Variants in DOCK8 observed in about 807,000 individuals in gnomAD.
DOCK8 encodes dedicator of cytokinesis protein 8.
DOCK8 carries 141 observed loss-of-function variants against 245.6 expected under a neutral mutation model. The observed-to-expected ratio is 0.57, with a 90% CI of 0.50 to 0.66. The LOEUF (loss-of-function observed/expected upper bound fraction) is 0.66. Ranked by LOEUF, DOCK8 falls within the 30% of genes least tolerant of loss-of-function variation. The pLI, the probability that DOCK8 is intolerant of heterozygous loss-of-function variation, is 0.00. For missense variants in DOCK8, 2,965 were observed against 2,603.4 expected, an observed-to-expected ratio of 1.14 and a Z score of -3.02; for synonymous variants, 1,168 against 970.2, an observed-to-expected ratio of 1.20 and a Z score of -3.79.
At position 396,774 on chromosome 9, in the gene DOCK8, C is replaced by A. The variant is rs1564006279; in HGVS notation, c.2971-11C>A. On this transcript the variant is annotated splice_polypyrimidine_tract_variant and intron_variant, in intron 24 of 47. Transcript: ENST00000432829. Reference sequence around the variant, plus strand: ...TCTCCATGTTGACATTTCCTCCATCCCCCTCCGCAGGTGAAAAGCATGGCC... The same window carrying A: ...TCTCCATGTTGACATTTCCTCCATCACCCTCCGCAGGTGAAAAGCATGGCC... 2 of 1,614,108 alleles carry A rather than the reference C, an allele frequency of 1.2e-6. No individual in the cohort carries two copies. The highest frequency in any genetic ancestry group is 1.7e-6 in the Non-Finnish European group (2 of 1,180,026).
chr9:265,591 T>A (rs2048018396), intron 1 of DOCK8, among the ~76,000 whole-genome samples: 1 of 152,138 alleles, frequency 6.6e-6, no homozygotes, highest in South Asian at 2.1e-4. Context: ...GACCCAAACC[T>A]CTTTCAATAC....
chr9:287,646 C>G (rs752821763), intron 3 of DOCK8, among the ~76,000 whole-genome samples: 6 of 152,212 alleles, frequency 3.9e-5, no homozygotes, highest in Non-Finnish European at 5.9e-5. Flanking sequence ...CATAGGAGAA[C>G]TGACCATATG....
At chr9:340,064 T>G in intron 13 of DOCK8, 95 bp from the exon 14 acceptor site, 1 of 1,446,386 alleles carries the variant, frequency 6.9e-7, no homozygotes, top group Non-Finnish European at 9.6e-7. Flanking sequence ...AGTTTGTTCT[T>G]ATTTTCATGA....
upstream of DOCK8, chr9:213,287 C>A (rs1396836550): frequency 6.6e-6 from 1 of 151,974 alleles, no homozygotes. Flanking sequence ...ACAGCTGAAA[C>A]CAGGAAGGAA....
chr9:312,938 G>A (rs1214160459), intron 6 of DOCK8: 1 of 152,318 alleles, frequency 6.6e-6, no homozygotes, highest in Non-Finnish European at 1.5e-5. Context: ...AAGTTCAGTT[G>A]GAAGAAACAG....
At chr9:445,820 A>G (rs1193142396) in intron 43 of DOCK8, among the ~76,000 whole-genome samples, 1 of 152,204 alleles carries the variant, frequency 6.6e-6, no homozygotes, top group Non-Finnish European at 1.5e-5. Flanking sequence ...TCTCCTGTAC[A>G]CACATAGGAG....
rs754441901 is a variant in DOCK8, at chr9:390,578, G to C, written c.2970+12G>C. The C allele has an allele frequency of 6.2e-7, 1 of 1,612,728 alleles. No homozygotes were observed. The highest frequency in any genetic ancestry group is 8.5e-7 in the Non-Finnish European group (1 of 1,178,776). ...TCTTTGAGCTTCTGGTGAGATTCTT[G>C]CGCGTTTGTATCTGTGCTCAATAGG... is the stretch of plus-strand genomic sequence containing the variant. On this transcript the variant is annotated intron_variant, in intron 24 of 47. Transcript: ENST00000432829.
At chr9:289,472 C>G (rs115532830) in intron 3 of DOCK8, 38 bp from the exon 4 acceptor site, 4 of 1,519,582 alleles carry the variant, frequency 2.6e-6, no homozygotes, top group Non-Finnish European at 3.6e-6. Context: ...TTGTTTTACC[C>G]AGTAATAACG....
Position 452,043 on chromosome 9 carries a change from T to C in DOCK8, c.5994T>C (p.Ala1998=). ...GPLEVAQVFL[A]EIPADPKLYR... ...TGGAAGTAGCCCAAGTGTTTTTGGC[T>C]GAAATTCCTGCTGATCCAAAACTCT... Residue 1998 remains alanine, a synonymous_variant, in exon 46 of 48, where the codon GCT becomes GCC. Transcript: ENST00000432829. 1 of 1,605,252 alleles carries C rather than the reference T, an allele frequency of 6.2e-7. No homozygotes were observed. The highest frequency in any genetic ancestry group is 8.5e-7 in the Non-Finnish European group (1 of 1,176,016).
chr9:247,961 C>G lies in DOCK8; in HGVS notation c.54-23666C>G. Among the ~76,000 whole-genome samples, 2 of 137,936 alleles carry G rather than the reference C, an allele frequency of 1.4e-5. 1 individual carries two copies. The allele number at this position is 137,936 out of a possible 152,430, so 90.5% of individuals were successfully genotyped here. On this transcript the variant is annotated intron_variant, in intron 1 of 47. Coordinates refer to ENST00000432829, the MANE Select transcript of DOCK8 (RefSeq NM_203447.4). ...CCAATGTATATTGTATTAAAATGTT[C>G]TTTTCTGATCTTCTCTAAGTTAAAA... is the stretch of plus-strand genomic sequence containing the variant.
At chr9:412,954 A>G (rs140712687) in intron 28 of DOCK8, among the ~76,000 whole-genome samples, 142 of 152,194 alleles carry the variant, frequency 9.3e-4, no homozygotes, top group African/African-American at 3.2e-3. Flanking sequence ...TATAGCCAAA[A>G]CAACCTTGAA....
At chr9:245,679 A>G (rs1435877907) in intron 1 of DOCK8, among the ~76,000 whole-genome samples, 2 of 152,188 alleles carry the variant, frequency 1.3e-5, no homozygotes, top group Non-Finnish European at 2.9e-5. Flanking sequence ...CATGTGCTCT[A>G]GTGCTGTGAA....
Position 377,299 on chromosome 9 carries a change from A to G in DOCK8, c.2440+88A>G, listed in dbSNP as rs1352119608. ...GAAAAATGACTTTCCAGAAATCCAG[A>G]GACAATGTGATCTTCCTTTCCACTG... On this transcript the variant is annotated intron_variant, in intron 20 of 47. Transcript: ENST00000432829. The G allele has an allele frequency of 8.4e-6, 11 of 1,303,794 alleles. No homozygotes were observed. The Admixed American group carries it at 1.3e-4, about 15-fold the overall frequency. The allele number at this position is 1,303,794 out of a possible 1,614,324, so 80.8% of individuals were successfully genotyped here.
At chr9:347,870 A>T (rs566241498) in intron 14 of DOCK8, among the ~76,000 whole-genome samples, 59 of 152,236 alleles carry the variant, frequency 3.9e-4, no homozygotes, top group Non-Finnish European at 5.6e-4. Flanking sequence ...CCGTTCCAGT[A>T]TAATATTCAG....
chr9:272,829 CAAATG>C (rs1767240996), intron 2 of DOCK8: 1 of 155,432 alleles, frequency 6.4e-6, no homozygotes, highest in South Asian at 2.0e-4. Context: ...ATAAATCTGA[CAAATG>C]AGATGGTTTG....
At chr9:264,132 C>A (rs1206104528) in intron 1 of DOCK8, among the ~76,000 whole-genome samples, 1 of 152,186 alleles carries the variant, frequency 6.6e-6, no homozygotes, top group Non-Finnish European at 1.5e-5. Context: ...AAACACAAGA[C>A]ACTAAATGGT....
chr9:354,286 C>G (rs998198775), intron 14 of DOCK8, among the ~76,000 whole-genome samples: 10 of 152,144 alleles, frequency 6.6e-5, no homozygotes, highest in African/African-American at 2.4e-4. Flanking sequence ...GGGCCGAGAT[C>G]ACAGCATTCC....
At chr9:256,113 T>G (rs1347896820) in intron 1 of DOCK8, among the ~76,000 whole-genome samples, 1 of 152,198 alleles carries the variant, frequency 6.6e-6, no homozygotes, top group Admixed American at 6.5e-5. Context: ...ATTTTATATC[T>G]AGATAGAAAT....
chr9:336,615 C>A lies in DOCK8; in HGVS notation c.1319C>A (p.Ala440Asp). 6.2e-7 allele frequency: 1 copy of A among 1,614,122 alleles called. No individual in the cohort carries two copies. Among genetic ancestry groups the A allele is most frequent in the Non-Finnish European group, 8.5e-7 (1 of 1,180,016 alleles). The change falls in exon 12 of 48, where the codon GCC becomes GAC. Residue 440 changes from alanine (A) to aspartate (D), a missense_variant. Around this residue, in one of 3 missense-constraint regions of DOCK8, gnomAD observed 2,825 missense variants for 2,453.5 expected, o/e 1.15. Coordinates refer to ENST00000432829, the MANE Select transcript of DOCK8 (RefSeq NM_203447.4). Reference sequence around the variant, plus strand: ...TCAGTGGGTGAACGGAGGACATTGGCCCAATCTAGAAGGCTTTCTGAAAGA... The same window carrying A: ...TCAGTGGGTGAACGGAGGACATTGGACCAATCTAGAAGGCTTTCTGAAAGA... ...RSSVGERRTL[A>D]QSRRLSERAL... is the part of the protein sequence containing the mutation.
Sources: allele counts gnomAD v4.1 joint callset (sites outside exome capture counted in the v4.1 genomes callset), GRCh38; gene constraint gnomAD v4.1.1; regional missense constraint gnomAD v4.1.1; transcripts MANE v1.5; gene names NCBI Gene and HGNC (gene_info 2026-07-23, HGNC 2026-07-21).